TCP11L2: variants seen among roughly 807,000 people sequenced by gnomAD.
TCP11L2 encodes the protein T-complex protein 11-like protein 2.
A neutral mutation model predicts 50.7 loss-of-function variants in TCP11L2; 39 were observed. The ratio of observed to expected loss-of-function variants is 0.77; its 90% CI spans 0.60 to 1.01. The LOEUF (loss-of-function observed/expected upper bound fraction) is 1.01, where lower values mean the gene tolerates loss of function less well. Ranked by LOEUF, TCP11L2 falls within the 50% of genes least tolerant of loss-of-function variation. The pLI, the probability that TCP11L2 is intolerant of heterozygous loss-of-function variation, is 0.00. For synonymous variants in TCP11L2, 192 were observed against 219.3 expected (o/e 0.88, Z 1.10); for missense variants, 612 against 614.7 (o/e 1.00, Z 0.05).
upstream of TCP11L2, among the ~76,000 whole-genome samples, chr12:106,300,313 T>G (rs562796090): frequency 5.7e-4 from 87 of 152,238 alleles, 1 homozygote; most frequent in African/African-American, 1.9e-3. Context: ...AGCACTCCAT[T>G]TTTTCAAAGT....
At chr12:106,329,478 T>C in intron 6 of TCP11L2, 2 of 1,516,330 alleles carry the variant, frequency 1.3e-6, no homozygotes, top group Non-Finnish European at 1.8e-6. Flanking sequence ...CTCCTTCTGC[T>C]TTACCGGTCA....
At chr12:106,340,776 C>T (rs762738904) in intron 8 of TCP11L2, 50 bp from the exon 9 acceptor site, 47 of 1,485,374 alleles carry the variant, frequency 3.2e-5, no homozygotes, top group Non-Finnish European at 3.8e-5. Context: ...AAAATAATAA[C>T]TTGATGAACA....
intron 1 of TCP11L2, among the ~76,000 whole-genome samples, chr12:106,307,522 A>G (rs1305182963): frequency 6.6e-6 from 1 of 152,226 alleles, no homozygotes; most frequent in African/African-American, 2.4e-5. Flanking sequence ...GGATAATCCA[A>G]AATAGTTTTT....
upstream of TCP11L2, among the ~76,000 whole-genome samples, chr12:106,299,154 A>G (rs932608074): frequency 1.3e-5 from 2 of 152,154 alleles, no homozygotes; most frequent in African/African-American, 4.8e-5. Flanking sequence ...TTCAATTACA[A>G]TGGAGTCACA....
chr12:106,305,857 G>A (rs1369121036), intron 1 of TCP11L2, among the ~76,000 whole-genome samples: 7 of 152,218 alleles, frequency 4.6e-5, no homozygotes, highest in Non-Finnish European at 8.8e-5. Flanking sequence ...TGGCATGTCT[G>A]AGGAACGCAA....
intron 3 of TCP11L2, among the ~76,000 whole-genome samples, chr12:106,315,313 A>G (rs1287718715): frequency 6.6e-6 from 1 of 152,192 alleles, no homozygotes; most frequent in Non-Finnish European, 1.5e-5. Context: ...CTCAGTTTAT[A>G]TGTCACTTCC....
chr12:106,318,900 T>TA (rs66719973), intron 4 of TCP11L2, among the ~76,000 whole-genome samples: 85,614 of 148,238 alleles, frequency 0.58, 24,987 homozygotes, highest in East Asian at 0.77. Flanking sequence ...TATTTTATTT[T>TA]TTTTTTTTTT....
At chr12:106,313,561 AGAGT>A (rs1160999444) in intron 2 of TCP11L2, among the ~76,000 whole-genome samples, 1 of 148,680 alleles carries the variant, frequency 6.7e-6, no homozygotes, top group Non-Finnish European at 1.5e-5. Context: ...GCCTGGCAAC[AGAGT>A]GAGACTCCAT....
At chr12:106,332,559 A>G (rs868096532) in intron 6 of TCP11L2, among the ~76,000 whole-genome samples, 1 of 152,254 alleles carries the variant, frequency 6.6e-6, no homozygotes, top group African/African-American at 2.4e-5. Context: ...TGGTCTGCTC[A>G]GGCTACCATA....
At chr12:106,326,720 C>T (rs1451700897) in intron 6 of TCP11L2, among the ~76,000 whole-genome samples, 2 of 152,224 alleles carry the variant, frequency 1.3e-5, no homozygotes, top group South Asian at 4.1e-4. Flanking sequence ...TGACTCAAAG[C>T]GTGTGCATTT....
chr12:106,342,427 A>C (rs1029392970), intron 9 of TCP11L2, among the ~76,000 whole-genome samples: 1 of 152,174 alleles, frequency 6.6e-6, no homozygotes, highest in Non-Finnish European at 1.5e-5. Flanking sequence ...ATACCTTCAC[A>C]TGCTGACATG....
chr12:106,329,663 C>A (rs2035679045), intron 6 of TCP11L2: 4 of 1,218,232 alleles, frequency 3.3e-6, no homozygotes, highest in Admixed American at 8.0e-5. Flanking sequence ...AACCACTATG[C>A]CACACTGTTG....
At chr12:106,313,368 G>A (rs2034931742) in intron 2 of TCP11L2, among the ~76,000 whole-genome samples, 2 of 152,140 alleles carry the variant, frequency 1.3e-5, no homozygotes, top group African/African-American at 4.8e-5. Flanking sequence ...ATCATCTGAG[G>A]TCAGGAGTTC....
chr12:106,345,350 TG>T (rs2136848382), intron 9 of TCP11L2, among the ~76,000 whole-genome samples: 1 of 152,310 alleles, frequency 6.6e-6, no homozygotes, highest in East Asian at 1.9e-4. Flanking sequence ...TTTAAAATTA[TG>T]CCAGGACAAC....
In TCP11L2 at chr12:106,311,166, A is replaced by C. The variant is rs1053526364; in HGVS notation, c.91A>C (p.Ser31Arg). ...SRFSESMASLSDYECSRQSFA... is the reference protein window; with the variant it reads ...SRFSESMASLRDYECSRQSFA... ...GTTTTCCGAAAGCATGGCTTCGCTC[A>C]GTGACTATGAATGCTCCAGGCAGAG... The change falls in exon 2 of 10, where the codon AGT (serine) becomes CGT (arginine). Residue 31 changes from serine (S) to arginine (R), a missense_variant. Transcript: ENST00000299045. 1 of 1,614,110 alleles carries C rather than the reference A, an allele frequency of 6.2e-7. No individual in the cohort carries two copies. The highest frequency in any genetic ancestry group is 1.3e-5 in the African/African-American group (1 of 74,946).
At chr12:106,328,837 A>G (rs988840740) in intron 6 of TCP11L2, among the ~76,000 whole-genome samples, 5 of 152,162 alleles carry the variant, frequency 3.3e-5, no homozygotes, top group African/African-American at 1.2e-4. Context: ...AGGGATAGCA[A>G]GGCTCCATTG....
chr12:106,301,593 T>C (rs2034416057), upstream of TCP11L2, among the ~76,000 whole-genome samples: 1 of 152,202 alleles, frequency 6.6e-6, no homozygotes, highest in South Asian at 2.1e-4. Flanking sequence ...TGAACGGTGG[T>C]GGCCAATCTG....
intron 6 of TCP11L2, among the ~76,000 whole-genome samples, chr12:106,328,063 A>G (rs1444681965): frequency 6.6e-6 from 1 of 152,222 alleles, no homozygotes; most frequent in Non-Finnish European, 1.5e-5. Context: ...GTTTTCATGA[A>G]CTTTATTTCA....
At chr12:106,332,023 A>G (rs528894876) in intron 6 of TCP11L2, among the ~76,000 whole-genome samples, 1 of 152,186 alleles carries the variant, frequency 6.6e-6, no homozygotes, top group East Asian at 1.9e-4. Flanking sequence ...TAAATGTAAA[A>G]GACTTGCCTG....
Sources: gnomAD v4.1 joint callset for allele counts (sites outside exome capture counted in the v4.1 genomes callset) on GRCh38, gnomAD v4.1.1 for gene constraint, MANE v1.5 for transcripts, NCBI Gene and HGNC (gene_info 2026-07-23, HGNC 2026-07-21) for gene names.